PPFIBP2: variants seen among roughly 807,000 people sequenced by gnomAD.
PPFIBP2 encodes PPFIB scaffold protein 2.
In PPFIBP2, 118 loss-of-function variants were observed where a neutral mutation model predicts 118.3. The ratio of observed to expected loss-of-function variants is 1.00; its 90% CI spans 0.86 to 1.16. The LOEUF (loss-of-function observed/expected upper bound fraction) is 1.16. Among genes scored for constraint, PPFIBP2 ranks in the 50% most tolerant of loss-of-function variants. The pLI is 0.00. For synonymous variants in PPFIBP2, 414 were observed against 397.4 expected (o/e 1.04, Z -0.50); for missense variants, 1,195 against 1,073.1 (o/e 1.11, Z -1.59).
At chr11:7,558,451 G>A (rs952047969) in intron 2 of PPFIBP2, among the ~76,000 whole-genome samples, 12 of 152,160 alleles carry the variant, frequency 7.9e-5, no homozygotes, top group Admixed American at 1.3e-4. Context: ...ATGTGCTTTC[G>A]AAAGCGATCA....
intron 1 of PPFIBP2, among the ~76,000 whole-genome samples, chr11:7,517,436 G>A (rs1849321188): frequency 6.6e-6 from 1 of 152,194 alleles, no homozygotes; most frequent in Non-Finnish European, 1.5e-5. Flanking sequence ...AGGGTGGGAG[G>A]TTGGAGGAGC....
intron 9 of PPFIBP2, 25 bp from the exon 10 acceptor site, chr11:7,629,434 T>C (rs1449169868): frequency 6.2e-7 from 1 of 1,608,468 alleles, no homozygotes; most frequent in Non-Finnish European, 8.5e-7. Flanking sequence ...AGCATTAATC[T>C]AAATCTCTAC....
At chr11:7,649,391 C>G (rs1853629548) in intron 20 of PPFIBP2, 141 bp from the exon 21 acceptor site, 1 of 1,286,826 alleles carries the variant, frequency 7.8e-7, no homozygotes, top group Non-Finnish European at 1.1e-6. Flanking sequence ...GAGTACAAAC[C>G]ACTGTGATAA....
intron 3 of PPFIBP2, among the ~76,000 whole-genome samples, chr11:7,584,615 T>A (rs181456751): frequency 1.7e-4 from 26 of 152,320 alleles, no homozygotes; most frequent in Middle Eastern, 6.8e-3. Flanking sequence ...TAAAAAAATC[T>A]AGGGGAAGTT....
intron 1 of PPFIBP2, among the ~76,000 whole-genome samples, chr11:7,516,836 T>C (rs1234346921): frequency 1.3e-5 from 2 of 152,152 alleles, no homozygotes; most frequent in East Asian, 1.9e-4. Flanking sequence ...GCCTTGCACC[T>C]TGGGACTGGG....
In PPFIBP2 at chr11:7,653,088, A is replaced by G; in HGVS notation, c.2501A>G (p.Asp834Gly). The change falls in exon 24 of 24, where the codon GAC (aspartate) becomes GGC (glycine). Residue 834 changes from aspartate (D) to glycine (G), a missense_variant. By Grantham distance (94) the Asp-to-Gly change is moderately conservative. Coordinates refer to ENST00000299492, the MANE Select transcript of PPFIBP2 (RefSeq NM_003621.5). ...IRKKKFDEST[D>G]YICPMEPSDG... ...AAAAAGAAGTTCGATGAATCGACGG[A>G]CTACATTTGCCCAATGGAGCCCAGT... The G allele has an allele frequency of 1.2e-6, 2 of 1,613,996 alleles. No individual in the cohort carries two copies. Among genetic ancestry groups the G allele is most frequent in the Non-Finnish European group, 1.7e-6 (2 of 1,179,822 alleles).
rs145235342 is a variant in PPFIBP2 at position 7,648,487 on chromosome 11, G to C, written c.1747G>C (p.Val583Leu). The change falls in exon 18 of 24, where the codon GTA becomes CTA. Residue 583 changes from valine (V) to leucine (L), a missense_variant. By Grantham distance (32) the Val-to-Leu change is conservative. Coordinates refer to ENST00000299492, the MANE Select transcript of PPFIBP2 (RefSeq NM_003621.5). ...AQYVIFARQW[V>L]SSGHTLLTAT... is the part of the protein sequence containing the mutation. The stretch of plus-strand genomic sequence containing the variant: ...GTATGTGATCTTTGCCAGGCAGTGG[G>C]TATCTTCTGGCCACACCTTATTGAC... 3.2e-5 allele frequency: 52 copies of C among 1,614,072 alleles called. No individual in the cohort carries two copies. In the African/African-American group the frequency reaches 6.3e-4, roughly 19 times the overall value.
At chr11:7,631,356 C>T (rs1377383204) in intron 11 of PPFIBP2, 1 of 228,106 alleles carries the variant, frequency 4.4e-6, no homozygotes, top group African/African-American at 2.2e-5. Flanking sequence ...TATCTACCAC[C>T]CTTTCTCCAA....
At chr11:7,665,834 T>C in the PPFIBP2 span, 76 of 1,534,706 alleles carry the variant, frequency 5.0e-5, no homozygotes, top group Non-Finnish European at 5.8e-5. Flanking sequence ...TACCGAGGTG[T>C]GTGAATCAGT....
intron 2 of PPFIBP2, 90 bp from the exon 3 acceptor site, chr11:7,565,463 C>G: frequency 7.4e-7 from 1 of 1,342,708 alleles, no homozygotes; most frequent in South Asian, 1.3e-5. Context: ...CTGTCCCTTT[C>G]ACCGTTTCTT....
chr11:7,607,264 G>A (rs1421248454), intron 5 of PPFIBP2, among the ~76,000 whole-genome samples: 1 of 144,468 alleles, frequency 6.9e-6, no homozygotes, highest in South Asian at 2.2e-4. Context: ...CTGGAGCACT[G>A]TGGCATGATC....
chr11:7,609,964 T>C (rs1352021083), intron 5 of PPFIBP2, among the ~76,000 whole-genome samples: 2 of 151,980 alleles, frequency 1.3e-5, no homozygotes, highest in East Asian at 3.8e-4. Context: ...TTTTAAAAAA[T>C]TGAGAAATTT....
At chr11:7,571,028 T>TA (rs1256358042) in intron 3 of PPFIBP2, among the ~76,000 whole-genome samples, 1 of 152,190 alleles carries the variant, frequency 6.6e-6, no homozygotes, top group Non-Finnish European at 1.5e-5. Flanking sequence ...CTGCTGCCCT[T>TA]ATGTTAGAGC....
intron 16 of PPFIBP2, chr11:7,641,841 T>C: frequency 1.8e-6 from 1 of 568,214 alleles, no homozygotes. Flanking sequence ...ATGTCATGCA[T>C]CCTAAGCACC....
downstream of PPFIBP2, among the ~76,000 whole-genome samples, chr11:7,657,906 C>G (rs1292725769): frequency 6.6e-6 from 1 of 152,230 alleles, no homozygotes; most frequent in Non-Finnish European, 1.5e-5. Flanking sequence ...GCACTGGCTC[C>G]TGTAGACAGT....
chr11:7,536,261 G>T (rs765705866), intron 1 of PPFIBP2, among the ~76,000 whole-genome samples: 61 of 152,104 alleles, frequency 4.0e-4, no homozygotes, highest in Non-Finnish European at 7.5e-4. Context: ...GAACACAAGC[G>T]GCTGGCTGGA....
intron 17 of PPFIBP2, among the ~76,000 whole-genome samples, chr11:7,643,852 G>T (rs1256623336): frequency 2.0e-5 from 3 of 152,042 alleles, no homozygotes; most frequent in African/African-American, 7.3e-5. Flanking sequence ...ATAACATTGT[G>T]TAGGCACTCT....
At chr11:7,524,360 A>G (rs1417621254) in intron 1 of PPFIBP2, among the ~76,000 whole-genome samples, 1 of 152,198 alleles carries the variant, frequency 6.6e-6, no homozygotes, top group Non-Finnish European at 1.5e-5. Context: ...GTTTTTACAC[A>G]AATAACTAGC....
chr11:7,623,696 A>G (rs1017602711), intron 7 of PPFIBP2, among the ~76,000 whole-genome samples: 1 of 152,200 alleles, frequency 6.6e-6, no homozygotes, highest in Non-Finnish European at 1.5e-5. Context: ...GCCAGCAGAC[A>G]AGCATCAGGT....
Sources: gnomAD v4.1 joint callset for allele counts (sites outside exome capture counted in the v4.1 genomes callset) on GRCh38, gnomAD v4.1.1 for gene constraint, MANE v1.5 for transcripts, NCBI Gene and HGNC (gene_info 2026-07-23, HGNC 2026-07-21) for gene names.